SP140: variants seen among roughly 807,000 people sequenced by gnomAD.
The protein encoded by SP140 is SP140 nuclear body protein.
Under a neutral mutation model 125.0 loss-of-function variants are expected in SP140, and 81 were observed. The observed-to-expected ratio is 0.65, with a 90% confidence interval of 0.54 to 0.78. The LOEUF (loss-of-function observed/expected upper bound fraction) is 0.78, where lower values mean the gene tolerates loss of function less well. Ranked by LOEUF, SP140 falls within the 30% of genes least tolerant of loss-of-function variation. The pLI is 0.00. For missense variants in SP140, 858 were observed against 1,037.0 expected (o/e 0.83, Z 2.37); for synonymous variants, 312 against 354.0 (o/e 0.88, Z 1.33).
chr2:230,292,698 G>T lies in SP140; in HGVS notation c.1878G>T (p.Thr626=), dbSNP rs753130962. The T allele has an allele frequency of 6.2e-7, 1 of 1,614,162 alleles. No individual in the cohort carries two copies. The highest frequency in any genetic ancestry group is 1.1e-5 in the South Asian group (1 of 91,082). The stretch of plus-strand genomic sequence containing the variant: ...AGGATGGAAAATGGTTCACCCCCAC[G>T]GAATTTGAAATCAAAGGAGGCCATG... The part of the protein sequence containing the change: ...QTEDGKWFTP[T]EFEIKGGHAR... The change falls in exon 20 of 27, where the codon ACG becomes ACT. Residue 626 remains threonine (T), a synonymous_variant. Transcript: ENST00000392045.
intron 1 of SP140, among the ~76,000 whole-genome samples, chr2:230,206,118 T>C (rs2043770158): frequency 6.6e-6 from 1 of 152,202 alleles, no homozygotes; most frequent in South Asian, 2.1e-4. Flanking sequence ...ACTGGGATCA[T>C]ACTAATGATA....
chr2:230,267,349 CCTT>C (rs1438331675), intron 12 of SP140, among the ~76,000 whole-genome samples: 11 of 152,162 alleles, frequency 7.2e-5, no homozygotes, highest in Admixed American at 2.0e-4. Flanking sequence ...TAAAATTAGT[CCTT>C]CTTCTGAACC....
At chr2:230,217,114 C>A (rs1467549091) in intron 3 of SP140, among the ~76,000 whole-genome samples, 1 of 151,910 alleles carries the variant, frequency 6.6e-6, no homozygotes, top group South Asian at 2.1e-4. Flanking sequence ...GGTGTGGTGG[C>A]GCACGCCTGT....
At chr2:230,198,358 C>T (rs981014765), upstream of SP140, among the ~76,000 whole-genome samples, 2 of 152,110 alleles carry the variant, frequency 1.3e-5, no homozygotes, top group African/African-American at 4.8e-5. Context: ...ATGGAGCTTT[C>T]CAAGTGTCTG....
chr2:230,236,834 G>A (rs1281981316), intron 1 of SP140, among the ~76,000 whole-genome samples: 9 of 152,296 alleles, frequency 5.9e-5, no homozygotes, highest in African/African-American at 1.9e-4. Flanking sequence ...CTTTATAATA[G>A]TTTGATTGGA....
chr2:230,224,817 T>C (rs1390044473), upstream of SP140, among the ~76,000 whole-genome samples: 1 of 152,226 alleles, frequency 6.6e-6, no homozygotes, highest in Non-Finnish European at 1.5e-5. Flanking sequence ...ATTCTACCCA[T>C]ACCCTGGCTC....
intron 15 of SP140, among the ~76,000 whole-genome samples, chr2:230,277,069 C>T (rs1246175031): frequency 6.6e-6 from 1 of 152,074 alleles, no homozygotes; most frequent in Non-Finnish European, 1.5e-5. Context: ...GAAATGACAA[C>T]AAAGGATTTA....
intron 8 of SP140, among the ~76,000 whole-genome samples, 172 bp from the exon 9 acceptor site, chr2:230,248,713 G>A (rs1040669914): frequency 8.5e-5 from 13 of 152,184 alleles, no homozygotes; most frequent in Non-Finnish European, 1.5e-4. Context: ...GAACGGTGAG[G>A]AGGACACTGA....
upstream of SP140, among the ~76,000 whole-genome samples, chr2:230,202,248 G>C (rs1266602732): frequency 6.6e-6 from 1 of 151,932 alleles, no homozygotes; most frequent in Non-Finnish European, 1.5e-5. Flanking sequence ...TTCTAATCAG[G>C]TACATGTAGA....
At chr2:230,205,597 T>A (rs1294275944) in intron 1 of SP140, among the ~76,000 whole-genome samples, 1 of 148,722 alleles carries the variant, frequency 6.7e-6, no homozygotes, top group Admixed American at 6.6e-5. Flanking sequence ...CTTTCTCTCT[T>A]TAAAAAAAAA....
At chr2:230,225,548 T>C, upstream of SP140, 7 of 468,522 alleles carry the variant, frequency 1.5e-5, no homozygotes, top group South Asian at 1.4e-4. Flanking sequence ...AAAACAACTT[T>C]GATCTGCTTG....
intron 4 of SP140, among the ~76,000 whole-genome samples, chr2:230,241,775 C>T (rs1393857083): frequency 6.6e-6 from 1 of 152,166 alleles, no homozygotes; most frequent in Non-Finnish European, 1.5e-5. Flanking sequence ...TGAATGGATT[C>T]CATCTTCTAA....
chr2:230,285,832 G>A lies in SP140; in HGVS notation c.1645G>A (p.Gly549Arg). The A allele has an allele frequency of 2.5e-6, 4 of 1,610,270 alleles. No homozygotes were observed. The highest frequency in any genetic ancestry group is 3.4e-6 in the Non-Finnish European group (4 of 1,176,634). Residue 549 changes from glycine (G) to arginine (R), a missense_variant and splice_region_variant, in exon 17 of 27, where the codon GGG becomes AGG. By Grantham distance (125) the Gly-to-Arg change is moderately radical (BLOSUM62 -2). Transcript: ENST00000392045. ...TCTGAAAGACCTTTCCAAGATTAGG[G>A]GTAAGATAAAGTTTGTCCGCTTTCC... The part of the protein sequence containing the change: ...VNLKDLSKIR[G>R]RKRGKPGTRF...
At chr2:230,262,703 T>A (rs2149305545) in intron 12 of SP140, among the ~76,000 whole-genome samples, 1 of 152,072 alleles carries the variant, frequency 6.6e-6, no homozygotes, top group East Asian at 1.9e-4. Context: ...CCATCTTGAT[T>A]TCGTTTTTGA....
intron 22 of SP140, among the ~76,000 whole-genome samples, chr2:230,307,972 T>C (rs1398914030): frequency 3.5e-5 from 3 of 86,564 alleles, no homozygotes; most frequent in Non-Finnish European, 7.6e-5. Flanking sequence ...TATATATATA[T>C]ATATATATAT....
intron 1 of SP140, chr2:230,203,401 ACACAGAGTGTG>A (rs918467584): frequency 6.4e-6 from 1 of 155,438 alleles, no homozygotes; most frequent in African/African-American, 2.4e-5. Context: ...GTTAGAAAGG[ACACAGAGTGTG>A]CAGCCATGCT....
intron 8 of SP140, 125 bp from the exon 9 acceptor site, chr2:230,248,760 G>C: frequency 1.4e-6 from 1 of 704,140 alleles, no homozygotes; most frequent in South Asian, 1.8e-5. Context: ...CTGCAACAAG[G>C]TGGAGAAAAG....
chr2:230,309,981 G>C lies in SP140; in HGVS notation c.2116G>C (p.Asp706His). ...CRDGGELFCC[D>H]TCSRVFHEDC... ...GGACGGAGGGGAGCTGTTCTGTTGC[G>C]ACACTTGTTCAAGAGTCTTCCATGA... Residue 706 changes from aspartate to histidine, a missense_variant, in exon 23 of 27, where the codon GAC (aspartate) becomes CAC (histidine). Transcript: ENST00000392045. The C allele has an allele frequency of 3.1e-6, 5 of 1,614,186 alleles. No homozygotes were observed. Among genetic ancestry groups the C allele is most frequent in the Non-Finnish European group, 4.2e-6 (5 of 1,180,026 alleles).
chr2:230,210,189 G>A (rs41548221), intron 1 of SP140, among the ~76,000 whole-genome samples: 15 of 152,306 alleles, frequency 9.8e-5, no homozygotes, highest in African/African-American at 3.6e-4. Flanking sequence ...ATTGTTACCT[G>A]TGCGACCATC....
Sources: allele counts gnomAD v4.1 joint callset (sites outside exome capture counted in the v4.1 genomes callset), GRCh38; gene constraint gnomAD v4.1.1; transcripts MANE v1.5; gene names NCBI Gene and HGNC (gene_info 2026-07-23, HGNC 2026-07-21).